The following PTPRT variants were observed in gnomAD, a reference collection of about 807,000 sequenced individuals.
The protein encoded by PTPRT is protein tyrosine phosphatase receptor type T, also known as receptor-type tyrosine-protein phosphatase T.
PTPRT carries 56 observed loss-of-function variants against 176.8 expected under a neutral mutation model. The ratio of observed to expected loss-of-function variants is 0.32; its 90% CI spans 0.26 to 0.40. The LOEUF (loss-of-function observed/expected upper bound fraction) is 0.40, where lower values mean the gene tolerates loss of function less well. Among genes scored for constraint, PTPRT ranks in the 10% least tolerant of loss-of-function variants. The pLI is 1.00. For synonymous variants in PTPRT, 783 were observed against 739.0 expected (o/e 1.06, Z -0.96); for missense variants, 1,540 against 1,908.2 (o/e 0.81, Z 3.60).
chr20:42,839,064 C>G (rs1569184265), intron 2 of PTPRT, among the ~76,000 whole-genome samples: 1 of 152,098 alleles, frequency 6.6e-6, no homozygotes, highest in Non-Finnish European at 1.5e-5. Flanking sequence ...GGCCAGGGCT[C>G]AATATGATCC....
chr20:42,633,787 ATATAT>A (rs2074468005), intron 7 of PTPRT, among the ~76,000 whole-genome samples: 1 of 11,564 alleles, frequency 8.6e-5, no homozygotes, highest in African/African-American at 2.7e-4. Context: ...CTCTGAAAAT[ATATAT>A]ATATATATAT....
intron 1 of PTPRT, among the ~76,000 whole-genome samples, chr20:43,115,780 T>C (rs886136128): frequency 1.3e-4 from 20 of 151,920 alleles, no homozygotes; most frequent in African/African-American, 4.3e-4. Context: ...CAGGGCTCTA[T>C]TACAAGCAGT....
At chr20:42,206,779 C>T (rs1168318087) in intron 15 of PTPRT, among the ~76,000 whole-genome samples, 4 of 152,212 alleles carry the variant, frequency 2.6e-5, no homozygotes, top group African/African-American at 4.8e-5. Context: ...GTGAACTGGG[C>T]GGAGCCCACC....
At chr20:42,383,089 C>T (rs757160680) in intron 9 of PTPRT, among the ~76,000 whole-genome samples, 3 of 152,194 alleles carry the variant, frequency 2.0e-5, no homozygotes, top group Admixed American at 1.3e-4. Flanking sequence ...TGCCTGAAGA[C>T]TTCCTGGTAT....
rs577089485 is a variant in PTPRT, at chr20:42,197,237, C to T, written c.2491+2003G>A. On this transcript the variant is annotated intron_variant, in intron 16 of 30. Transcript: ENST00000373187. ...GACTAAAAATACAAAAAATTAGCCA[C>T]GCGTGGTGGTGGGCACCTGTATTCC... is the stretch of plus-strand genomic sequence containing the variant. Among the ~76,000 whole-genome samples the T allele has an allele frequency of 1.2e-3, 187 of 151,578 alleles. 1 individual carries two copies. The Middle Eastern group carries it at 0.027, about 22-fold the overall frequency.
intron 6 of PTPRT, among the ~76,000 whole-genome samples, chr20:42,740,261 A>T (rs1052144318): frequency 5.3e-5 from 8 of 152,188 alleles, no homozygotes; most frequent in Admixed American, 5.2e-4. Flanking sequence ...ATGACAAAGG[A>T]GACAAAGCCC....
At chr20:42,828,004 G>A (rs1192599612) in intron 2 of PTPRT, among the ~76,000 whole-genome samples, 1 of 152,164 alleles carries the variant, frequency 6.6e-6, no homozygotes, top group Admixed American at 6.5e-5. Context: ...GCTGCTATAA[G>A]GATGTCCAAA....
intron 7 of PTPRT, among the ~76,000 whole-genome samples, chr20:42,577,959 GTGTGTGTGTGTA>G (rs2073293618): frequency 6.7e-6 from 1 of 149,448 alleles, no homozygotes; most frequent in African/African-American, 2.5e-5. Context: ...GTGTGTGTGT[GTGTGTGTGTGTA>G]GGCATACCCA....
chr20:43,133,972 A>G (rs142278637), intron 1 of PTPRT, among the ~76,000 whole-genome samples: 1 of 152,252 alleles, frequency 6.6e-6, no homozygotes, highest in Non-Finnish European at 1.5e-5. Context: ...CTCCTGCATT[A>G]GAAAAAAGAC....
At chr20:42,064,194 T>C in the PTPRT span, among the ~76,000 whole-genome samples, 2 of 152,168 alleles carry the variant, frequency 1.3e-5, no homozygotes, top group Non-Finnish European at 2.9e-5. Context: ...TTAATTATTG[T>C]AGCACTCTTG....
chr20:42,406,942 G>A (rs746425281), intron 9 of PTPRT, among the ~76,000 whole-genome samples: 3 of 152,132 alleles, frequency 2.0e-5, no homozygotes, highest in Non-Finnish European at 2.9e-5. Flanking sequence ...CCCTTCTTCT[G>A]GTGACTGATA....
intron 7 of PTPRT, among the ~76,000 whole-genome samples, chr20:42,600,728 G>A (rs6093696): frequency 0.12 from 18,601 of 152,096 alleles, 1,219 homozygotes; most frequent in South Asian, 0.15. Context: ...ATGTGCCTGA[G>A]TCATTTCATT....
At chr20:42,098,961 G>A (rs1985585247) in intron 26 of PTPRT, among the ~76,000 whole-genome samples, 1 of 152,244 alleles carries the variant, frequency 6.6e-6, no homozygotes, top group African/African-American at 2.4e-5. Flanking sequence ...GTCGGCCTGA[G>A]GCCGAGATTC....
chr20:42,633,041 C>T (rs1161923487), intron 7 of PTPRT, among the ~76,000 whole-genome samples: 1 of 152,136 alleles, frequency 6.6e-6, no homozygotes, highest in Non-Finnish European at 1.5e-5. Context: ...GAGAATGATT[C>T]CAATATCTAT....
chr20:42,890,456 A>G (rs2079173328), intron 1 of PTPRT, among the ~76,000 whole-genome samples: 1 of 152,202 alleles, frequency 6.6e-6, no homozygotes, highest in South Asian at 2.1e-4. Flanking sequence ...GGGCTGAACA[A>G]GATGATTGCA....
intron 7 of PTPRT, among the ~76,000 whole-genome samples, chr20:42,485,484 A>G (rs1319899254): frequency 1.3e-5 from 2 of 152,348 alleles, no homozygotes; most frequent in East Asian, 3.9e-4. Context: ...CTAATTTGCC[A>G]TTACTGCCTA....
chr20:42,250,963 C>G (rs2056541855), intron 13 of PTPRT, among the ~76,000 whole-genome samples: 1 of 152,214 alleles, frequency 6.6e-6, no homozygotes, highest in Non-Finnish European at 1.5e-5. Context: ...GCCACCATCT[C>G]TTCAGCAGGG....
intron 1 of PTPRT, among the ~76,000 whole-genome samples, chr20:42,906,829 T>C (rs2079484838): frequency 6.6e-6 from 1 of 151,982 alleles, no homozygotes; most frequent in South Asian, 2.1e-4. Context: ...AAAATGCAAA[T>C]GACAGACTAC....
intron 7 of PTPRT, among the ~76,000 whole-genome samples, chr20:42,481,161 A>T (rs894115556): frequency 1.3e-5 from 2 of 152,172 alleles, no homozygotes; most frequent in Non-Finnish European, 2.9e-5. Flanking sequence ...TACGCAAAAT[A>T]GGTGTGGCTG....
Sources: allele counts gnomAD v4.1 joint callset (sites outside exome capture counted in the v4.1 genomes callset), GRCh38; gene constraint gnomAD v4.1.1; transcripts MANE v1.5; gene names NCBI Gene and HGNC (gene_info 2026-07-23, HGNC 2026-07-21).